The following PARD3 variants were observed in gnomAD, a reference collection of about 807,000 sequenced individuals.
The protein encoded by PARD3 is par-3 family cell polarity regulator.
In PARD3, 75 loss-of-function variants were observed where a neutral mutation model predicts 155.4. The ratio of observed to expected loss-of-function variants is 0.48; its 90% confidence interval spans 0.40 to 0.58. The LOEUF (loss-of-function observed/expected upper bound fraction) is 0.58, where lower values mean the gene tolerates loss of function less well. Ranked by LOEUF, PARD3 falls within the 20% of genes least tolerant of loss-of-function variation. The probability of loss-of-function intolerance (pLI) is 0.00; values close to 1 mark genes in which losing one functional copy is unlikely to be tolerated. For synonymous variants in PARD3, 576 were observed against 610.5 expected, an observed-to-expected ratio of 0.94 and a Z score of 0.83; for missense variants, 1,642 against 1,721.7, an observed-to-expected ratio of 0.95 and a Z score of 0.82.
intron 2 of PARD3, among the ~76,000 whole-genome samples, chr10:34,521,459 T>C (rs1381174325): frequency 6.6e-6 from 1 of 152,156 alleles, no homozygotes; most frequent in Non-Finnish European, 1.5e-5. Flanking sequence ...GGAAAAGTCT[T>C]TTAAATTTGT....
chr10:34,779,175 G>A lies in PARD3; in HGVS notation c.120+35701C>T, dbSNP rs142389332. On this transcript the variant is annotated intron_variant, in intron 1 of 24. Transcript: ENST00000374788. ...AAAATACAAAAATTAGCCAGGTGGT[G>A]CACACCTGTAATCCCAGGTACTCGG... 5.5e-3 allele frequency among the ~76,000 whole-genome samples: 832 copies of A among 152,176 alleles called. 8 individuals are homozygous for A. The highest frequency in any genetic ancestry group is 0.019 in the African/African-American group (790 of 41,500).
chr10:34,353,155 C>T lies in PARD3; in HGVS notation c.2068-5040G>A, dbSNP rs533734660. ...GGGGGGCAGCCCCCGCCCGGCCAGCCGCCCCGTCCGGGAGGGAGGTGGGGG... is the reference window on the plus strand; with the variant it reads ...GGGGGGCAGCCCCCGCCCGGCCAGCTGCCCCGTCCGGGAGGGAGGTGGGGG... On this transcript the variant is annotated intron_variant, in intron 14 of 24. Coordinates refer to ENST00000374788, the MANE Select transcript of PARD3 (RefSeq NM_001184785.2). Among the ~76,000 whole-genome samples, 245 of 152,288 alleles carry T rather than the reference C, an allele frequency of 1.6e-3. 1 individual carries two copies. The highest frequency in any genetic ancestry group is 0.014 in the Middle Eastern group (4 of 292).
intron 1 of PARD3, among the ~76,000 whole-genome samples, chr10:34,776,993 T>C (rs953423725): frequency 2.0e-5 from 3 of 149,748 alleles, no homozygotes; most frequent in Admixed American, 6.6e-5. Flanking sequence ...TGTGCCACCA[T>C]GTCTGGCTAA....
chr10:34,578,537 G>C (rs2087101361), intron 2 of PARD3, among the ~76,000 whole-genome samples: 1 of 152,208 alleles, frequency 6.6e-6, no homozygotes, highest in Non-Finnish European at 1.5e-5. Context: ...TATATGCCAA[G>C]CACCACAGTT....
Position 34,674,006 on chromosome 10 carries a change from CAGG to C in PARD3, c.222+22309_222+22311del, listed in dbSNP as rs375164756. ...CATCAAAAAAAAAAAAACAAACAAA[CAGG>C]AGGAGAGTTCTAATTCCCAACTTGT... On this transcript the variant is annotated intron_variant, in intron 2 of 24. Transcript: ENST00000374788. Among the ~76,000 whole-genome samples the C allele has an allele frequency of 5.5e-4, 74 of 134,500 alleles. 1 individual carries two copies. In the East Asian group the frequency reaches 0.014, roughly 25 times the overall value. 88.2% of individuals were successfully genotyped at this position (134,500 alleles called of 152,430 possible).
chr10:34,701,429 C>G (rs1179567349), intron 1 of PARD3, among the ~76,000 whole-genome samples: 2 of 151,778 alleles, frequency 1.3e-5, no homozygotes, highest in African/African-American at 2.4e-5. Context: ...GAGGGAAACA[C>G]AGTTTTTGGA....
At chr10:34,570,498 C>G (rs1018515820) in intron 2 of PARD3, among the ~76,000 whole-genome samples, 4 of 152,122 alleles carry the variant, frequency 2.6e-5, no homozygotes, top group Non-Finnish European at 5.9e-5. Flanking sequence ...TACCCTAATG[C>G]TGCAGTGAGC....
rs939448435 is a variant in PARD3 at position 34,132,655 on chromosome 10, T to C, written c.3420-1072A>G. Reference sequence around the variant, plus strand: ...TTCACTAAAGCAGTAAGTTTCATCCTATCAGTGACGTGGACGGGAGACAGG... The same window carrying C: ...TTCACTAAAGCAGTAAGTTTCATCCCATCAGTGACGTGGACGGGAGACAGG... On this transcript the variant is annotated intron_variant, in intron 22 of 24. Transcript: ENST00000374788. Among the ~76,000 whole-genome samples the C allele has an allele frequency of 2.0e-5, 3 of 152,214 alleles. 1 individual carries two copies. The South Asian group carries it at 6.2e-4, about 32-fold the overall frequency.
At chr10:34,582,746 G>A (rs2087610348) in intron 2 of PARD3, among the ~76,000 whole-genome samples, 1 of 152,200 alleles carries the variant, frequency 6.6e-6, no homozygotes, top group Non-Finnish European at 1.5e-5. Flanking sequence ...AGGAAATTCT[G>A]TGTTAAGCTA....
intron 5 of PARD3, among the ~76,000 whole-genome samples, chr10:34,424,686 T>C (rs1343547355): frequency 6.6e-6 from 1 of 152,054 alleles, no homozygotes; most frequent in Non-Finnish European, 1.5e-5. Flanking sequence ...GACTAATTTT[T>C]GTATTTTTAG....
At chr10:34,750,690 A>ATTT (rs1835917503) in intron 1 of PARD3, among the ~76,000 whole-genome samples, 1 of 130,216 alleles carries the variant, frequency 7.7e-6, no homozygotes. Context: ...ATGACATAAC[A>ATTT]ATTTTTTTTT....
At chr10:34,504,015 T>C (rs915422694) in intron 3 of PARD3, among the ~76,000 whole-genome samples, 17 of 152,142 alleles carry the variant, frequency 1.1e-4, no homozygotes, top group African/African-American at 4.1e-4. Flanking sequence ...GACATGAAGA[T>C]TTTATAAAAA....
chr10:34,160,407 T>C (rs116610682), intron 22 of PARD3, among the ~76,000 whole-genome samples: 396 of 152,342 alleles, frequency 2.6e-3, no homozygotes, highest in African/African-American at 9.0e-3. Context: ...AGAGACAGTA[T>C]ACAGCTTTGT....
At position 34,651,648 on chromosome 10, in the gene PARD3, C is replaced by A. The variant is rs182069217; in HGVS notation, c.222+44670G>T. Among the ~76,000 whole-genome samples, 483 of 152,182 alleles carry A rather than the reference C, an allele frequency of 3.2e-3. 2 individuals carry two copies. The highest frequency in any genetic ancestry group is 0.011 in the African/African-American group (449 of 41,514). ...GCCATGCTGGTTGTTTTTTTGTAAG[C>A]GACGTTAATACAGTATGCTGGTAAG... On this transcript the variant is annotated intron_variant, in intron 2 of 24. Transcript: ENST00000374788.
At chr10:34,353,097 C>G (rs1010705573) in intron 14 of PARD3, among the ~76,000 whole-genome samples, 12 of 151,700 alleles carry the variant, frequency 7.9e-5, no homozygotes, top group African/African-American at 2.9e-4. Context: ...AGTGAGGAGC[C>G]CCTCCGCCCA....
chr10:34,308,097 T>C (rs1268436483), intron 20 of PARD3, among the ~76,000 whole-genome samples: 2 of 150,654 alleles, frequency 1.3e-5, no homozygotes, highest in East Asian at 3.9e-4. Flanking sequence ...AAGGCTCTAG[T>C]GGACCCGGTA....
chr10:34,148,732 G>A (rs1948639760), intron 22 of PARD3, among the ~76,000 whole-genome samples: 1 of 151,976 alleles, frequency 6.6e-6, no homozygotes, highest in South Asian at 2.1e-4. Flanking sequence ...CCAAGTCCTA[G>A]GGTTTATTAC....
intron 2 of PARD3, among the ~76,000 whole-genome samples, chr10:34,524,658 G>C (rs1259254472): frequency 6.6e-6 from 1 of 152,198 alleles, no homozygotes; most frequent in African/African-American, 2.4e-5. Context: ...TCTATCATGA[G>C]TGCCACTGTT....
rs547297595 is a variant in PARD3, at chr10:34,321,043, T to C, written c.2834-3705A>G. Among the ~76,000 whole-genome samples the C allele has an allele frequency of 9.2e-4, 140 of 152,308 alleles. 1 individual carries two copies. The Middle Eastern group carries it at 0.034, about 37-fold the overall frequency. On this transcript the variant is annotated intron_variant, in intron 19 of 24. Coordinates refer to ENST00000374788, the MANE Select transcript of PARD3 (RefSeq NM_001184785.2). Reference sequence around the variant, plus strand: ...GAGAAAAATCTTTATCCTGCTCCTATGCAGAAATATTGTAGTTTCAAAAGC... The same window carrying C: ...GAGAAAAATCTTTATCCTGCTCCTACGCAGAAATATTGTAGTTTCAAAAGC...
Sources: gnomAD v4.1 joint callset for allele counts (sites outside exome capture counted in the v4.1 genomes callset) on GRCh38, gnomAD v4.1.1 for gene constraint, MANE v1.5 for transcripts, NCBI Gene and HGNC (gene_info 2026-07-23, HGNC 2026-07-21) for gene names.